GRID2: variants seen among roughly 807,000 people sequenced by gnomAD.
GRID2 encodes the protein glutamate receptor ionotropic, delta-2.
Under a neutral mutation model 114.8 loss-of-function variants are expected in GRID2, and 33 were observed. The ratio of observed to expected loss-of-function variants is 0.29; its 90% confidence interval spans 0.22 to 0.38. The LOEUF is 0.38. Among genes scored for constraint, GRID2 ranks in the 10% least tolerant of loss-of-function variants. GRID2 has a pLI of 1.00. For missense variants in GRID2, 1,184 were observed against 1,257.7 expected (o/e 0.94, Z 0.89); for synonymous variants, 505 against 449.9 (o/e 1.12, Z -1.55).
intron 1 of GRID2, among the ~76,000 whole-genome samples, chr4:92,364,157 C>T (rs1728745850): frequency 6.6e-6 from 1 of 152,010 alleles, no homozygotes; most frequent in African/African-American, 2.4e-5. Flanking sequence ...TTTCTACACT[C>T]ATGGTAAGAT....
chr4:92,545,027 G>C (rs1340266652), intron 1 of GRID2, among the ~76,000 whole-genome samples: 2 of 151,844 alleles, frequency 1.3e-5, no homozygotes, highest in African/African-American at 4.8e-5. Context: ...GGAGCCACTT[G>C]CTTTGATTGA....
At chr4:92,460,049 T>TATATATAC (rs1190587471) in intron 1 of GRID2, among the ~76,000 whole-genome samples, 1 of 119,282 alleles carries the variant, frequency 8.4e-6, no homozygotes, top group African/African-American at 3.2e-5. Context: ...TATATATATA[T>TATATATAC]ATATACACAC....
intron 13 of GRID2, among the ~76,000 whole-genome samples, chr4:93,530,814 CAG>C (rs1731366528): frequency 6.6e-6 from 1 of 152,072 alleles, no homozygotes; most frequent in African/African-American, 2.4e-5. Context: ...AAATATTTAA[CAG>C]AAATCAATAT....
chr4:93,726,168 G>A (rs1285304247), intron 14 of GRID2, among the ~76,000 whole-genome samples: 2 of 152,192 alleles, frequency 1.3e-5, no homozygotes, highest in Admixed American at 1.3e-4. Context: ...TGTATAAGGT[G>A]TAAGGAAGGG....
chr4:93,323,669 G>C (rs564841200), intron 8 of GRID2, among the ~76,000 whole-genome samples: 14 of 151,830 alleles, frequency 9.2e-5, no homozygotes, highest in Non-Finnish European at 1.5e-4. Context: ...TTGATTCTTC[G>C]TGTCCATGAG....
chr4:92,549,134 A>C (rs1279254817), intron 1 of GRID2, among the ~76,000 whole-genome samples: 1 of 152,004 alleles, frequency 6.6e-6, no homozygotes, highest in African/African-American at 2.4e-5. Flanking sequence ...AAAAAAAAAA[A>C]AAAAATGAAC....
chr4:92,689,348 G>A (rs747422065), intron 2 of GRID2, among the ~76,000 whole-genome samples: 1 of 152,126 alleles, frequency 6.6e-6, no homozygotes, highest in African/African-American at 2.4e-5. Context: ...TCCAATATAA[G>A]GCTGTTTTAT....
At chr4:92,657,288 C>G (rs1230217362) in intron 2 of GRID2, among the ~76,000 whole-genome samples, 1 of 151,588 alleles carries the variant, frequency 6.6e-6, no homozygotes, top group Admixed American at 6.6e-5. Flanking sequence ...TTCATAGTGT[C>G]TGAACTGTCA....
At chr4:93,324,846 G>T (rs1415334528) in intron 8 of GRID2, among the ~76,000 whole-genome samples, 4 of 152,114 alleles carry the variant, frequency 2.6e-5, no homozygotes, top group Non-Finnish European at 2.9e-5. Flanking sequence ...AGTATTCTCT[G>T]GTGGTAGTTT....
chr4:93,477,314 A>G (rs1286599636), intron 11 of GRID2, among the ~76,000 whole-genome samples: 1 of 152,160 alleles, frequency 6.6e-6, no homozygotes, highest in Non-Finnish European at 1.5e-5. Context: ...ACATCTGTTA[A>G]GACTATCACA....
At chr4:93,505,883 A>T (rs2149479606) in intron 12 of GRID2, among the ~76,000 whole-genome samples, 1 of 152,216 alleles carries the variant, frequency 6.6e-6, no homozygotes, top group South Asian at 2.1e-4. Flanking sequence ...CTAGCTTGTA[A>T]TGTGGGTCAA....
chr4:93,430,512 A>C (rs1769308982), intron 10 of GRID2, among the ~76,000 whole-genome samples: 1 of 152,196 alleles, frequency 6.6e-6, no homozygotes, highest in African/African-American at 2.4e-5. Context: ...GCCACTTAAC[A>C]TGTGTTAATC....
intron 1 of GRID2, among the ~76,000 whole-genome samples, chr4:92,439,062 G>C (rs958107490): frequency 1.3e-5 from 2 of 152,100 alleles, no homozygotes; most frequent in African/African-American, 4.8e-5. Context: ...AGTCAGCGAA[G>C]GGAGATAAGG....
At chr4:93,451,184 C>G (rs1284583452) in intron 10 of GRID2, among the ~76,000 whole-genome samples, 1 of 151,972 alleles carries the variant, frequency 6.6e-6, no homozygotes, top group Non-Finnish European at 1.5e-5. Context: ...TCCTTGCTTT[C>G]ATGGAGCTTA....
At chr4:93,163,402 A>ATGT (rs1579161593) in intron 4 of GRID2, among the ~76,000 whole-genome samples, 4 of 33,330 alleles carry the variant, frequency 1.2e-4, no homozygotes, top group South Asian at 1.9e-3. Flanking sequence ...ATATATATAC[A>ATGT]CTATATATAT....
intron 1 of GRID2, among the ~76,000 whole-genome samples, chr4:92,411,678 T>TATATATATATAC (rs1731331617): frequency 7.3e-6 from 1 of 136,318 alleles, no homozygotes; most frequent in African/African-American, 2.8e-5. Context: ...TATATATATA[T>TATATATATATAC]GAAATATACC....
chr4:93,575,451 A>G (rs1051686146), intron 13 of GRID2, among the ~76,000 whole-genome samples: 1 of 152,138 alleles, frequency 6.6e-6, no homozygotes, highest in Non-Finnish European at 1.5e-5. Context: ...ATTTAATGAT[A>G]TATTGGAATA....
Position 93,019,844 on chromosome 4 carries a change from T to C in GRID2, c.245-65151T>C, listed in dbSNP as rs546706484. On this transcript the variant is annotated intron_variant, in intron 2 of 15. Coordinates refer to ENST00000282020, the MANE Select transcript of GRID2 (RefSeq NM_001510.4). ...CACATTGTATGATCGTATCAAAGTATCACATGTACCTCATGTACAGCCATT... is the reference window on the plus strand; with the variant it reads ...CACATTGTATGATCGTATCAAAGTACCACATGTACCTCATGTACAGCCATT... 8.7e-4 allele frequency among the ~76,000 whole-genome samples: 133 copies of C among 152,278 alleles called. No individual in the cohort carries two copies. In the South Asian group the frequency reaches 0.026, roughly 30 times the overall value.
chr4:92,822,222 A>T (rs1361946158), intron 2 of GRID2: 1 of 517,880 alleles, frequency 1.9e-6, no homozygotes, highest in Non-Finnish European at 3.8e-6. Flanking sequence ...GGCATTGATG[A>T]TATTCCCACC....
Sources: gnomAD v4.1 joint callset for allele counts (sites outside exome capture counted in the v4.1 genomes callset) on GRCh38, gnomAD v4.1.1 for gene constraint, MANE v1.5 for transcripts, NCBI Gene and HGNC (gene_info 2026-07-23, HGNC 2026-07-21) for gene names.